GRID2: variants seen among roughly 807,000 people sequenced by gnomAD.
GRID2 encodes glutamate receptor ionotropic, delta-2.
Under a neutral mutation model 114.8 loss-of-function variants are expected in GRID2, and 33 were observed. The ratio of observed to expected loss-of-function variants is 0.29; its 90% CI spans 0.22 to 0.38. The LOEUF (loss-of-function observed/expected upper bound fraction) is 0.38. Among genes scored for constraint, GRID2 ranks in the 10% least tolerant of loss-of-function variants. The pLI is 1.00. For missense variants in GRID2, 1,184 were observed against 1,257.7 expected (o/e 0.94, Z 0.89); for synonymous variants, 505 against 449.9 (o/e 1.12, Z -1.55).
chr4:92,927,893 T>TAA (rs1298658197), intron 2 of GRID2, among the ~76,000 whole-genome samples: 1 of 151,722 alleles, frequency 6.6e-6, no homozygotes, highest in Non-Finnish European at 1.5e-5. Context: ...GCATTATACT[T>TAA]ACCAGTTGAG....
At chr4:92,628,638 G>A (rs1730642530) in intron 2 of GRID2, among the ~76,000 whole-genome samples, 1 of 152,118 alleles carries the variant, frequency 6.6e-6, no homozygotes, top group East Asian at 1.9e-4. Flanking sequence ...GATTACAGGC[G>A]TGAGCCATAG....
intron 14 of GRID2, among the ~76,000 whole-genome samples, chr4:93,714,941 C>T (rs962335532): frequency 2.0e-5 from 3 of 152,120 alleles, no homozygotes; most frequent in African/African-American, 4.8e-5. Context: ...TTAATTAGAT[C>T]CCATTTGTCA....
chr4:93,560,162 G>T (rs2149561010), intron 13 of GRID2, among the ~76,000 whole-genome samples: 1 of 136,322 alleles, frequency 7.3e-6, no homozygotes, highest in South Asian at 2.4e-4. Flanking sequence ...AACCGCCATG[G>T]CAAGTGTGTA....
At chr4:92,944,470 G>A (rs368404033) in intron 2 of GRID2, among the ~76,000 whole-genome samples, 3 of 152,234 alleles carry the variant, frequency 2.0e-5, no homozygotes, top group Admixed American at 6.5e-5. Flanking sequence ...GGTGCCGTCT[G>A]TCACCCCTTT....
intron 7 of GRID2, among the ~76,000 whole-genome samples, chr4:93,231,404 A>AAG (rs892958015): frequency 1.3e-5 from 2 of 149,774 alleles, no homozygotes; most frequent in African/African-American, 4.9e-5. Flanking sequence ...AAAAAAAAAA[A>AAG]AAGAAATTTA....
In GRID2 at chr4:93,328,169, G is replaced by A. The variant is rs115374349; in HGVS notation, c.1246-67438G>A. Among the ~76,000 whole-genome samples, 937 of 151,992 alleles carry A rather than the reference G, an allele frequency of 6.2e-3. 10 individuals are homozygous for A. The highest frequency in any genetic ancestry group is 0.022 in the African/African-American group (893 of 41,466). ...AAACATGTCCTTTAGCAAGCAATAT[G>A]CACTTTTAAAGATGTAAATGAGATA... On this transcript the variant is annotated intron_variant, in intron 8 of 15. Transcript: ENST00000282020.
chr4:93,782,892 TACACACACAC>T (rs57202855), intron 1 of GRID2, among the ~76,000 whole-genome samples: 174 of 149,958 alleles, frequency 1.2e-3, no homozygotes, highest in African/African-American at 3.8e-3. Flanking sequence ...CCATGAATCA[TACACACACAC>T]ACACACACAC....
At chr4:92,825,432 G>A (rs1342508633) in intron 2 of GRID2, among the ~76,000 whole-genome samples, 1 of 152,134 alleles carries the variant, frequency 6.6e-6, no homozygotes, top group Non-Finnish European at 1.5e-5. Flanking sequence ...CAAACATGCT[G>A]AGACATTGAT....
At chr4:92,367,718 G>A (rs1420139594) in intron 1 of GRID2, among the ~76,000 whole-genome samples, 1 of 152,030 alleles carries the variant, frequency 6.6e-6, no homozygotes, top group African/African-American at 2.4e-5. Flanking sequence ...GCAGAGAAAT[G>A]GCATGATAAG....
intron 1 of GRID2, among the ~76,000 whole-genome samples, chr4:92,329,385 G>A (rs6824860): frequency 0.19 from 28,301 of 151,792 alleles, 3,894 homozygotes; most frequent in African/African-American, 0.4. Context: ...CTTCCCCAGA[G>A]TCATGCTGAA....
At chr4:93,029,932 A>C (rs1172258048) in intron 2 of GRID2, among the ~76,000 whole-genome samples, 1 of 152,166 alleles carries the variant, frequency 6.6e-6, no homozygotes, top group Non-Finnish European at 1.5e-5. Flanking sequence ...CATGCAAATA[A>C]AACTGCATGA....
At chr4:93,180,511 A>G (rs1739792569) in intron 4 of GRID2, among the ~76,000 whole-genome samples, 1 of 152,136 alleles carries the variant, frequency 6.6e-6, no homozygotes, top group South Asian at 2.1e-4. Context: ...GAAGTTTGTC[A>G]TACCAATCAC....
At chr4:93,506,349 A>G (rs1018789900) in intron 12 of GRID2, among the ~76,000 whole-genome samples, 4 of 152,198 alleles carry the variant, frequency 2.6e-5, no homozygotes, top group South Asian at 4.1e-4. Flanking sequence ...AATCTACCAC[A>G]GGAGGACCGT....
chr4:93,113,296 T>A (rs1732939388), intron 4 of GRID2, among the ~76,000 whole-genome samples: 2 of 152,176 alleles, frequency 1.3e-5, no homozygotes, highest in South Asian at 4.1e-4. Context: ...ATCATCCTTG[T>A]TTTGTAGATA....
rs116617628 is a variant in GRID2, at chr4:92,840,661, T to C, written c.245-244334T>C. On this transcript the variant is annotated intron_variant, in intron 2 of 15. Coordinates refer to ENST00000282020, the MANE Select transcript of GRID2 (RefSeq NM_001510.4). ...GCATTTTGTATCCTAAAAGCTTTCA[T>C]TGAGCAGCTTCTTCATTGAGCATAT... Among the ~76,000 whole-genome samples, 586 of 152,168 alleles carry C rather than the reference T, an allele frequency of 3.9e-3. 3 individuals are homozygous for C. Among genetic ancestry groups the C allele is most frequent in the African/African-American group, 0.013 (558 of 41,540 alleles).
At chr4:92,924,828 G>C (rs1435646132) in intron 2 of GRID2, among the ~76,000 whole-genome samples, 2 of 152,026 alleles carry the variant, frequency 1.3e-5, no homozygotes, top group Non-Finnish European at 2.9e-5. Flanking sequence ...ATTTTTGCCT[G>C]ATTTATCACA....
intron 13 of GRID2, among the ~76,000 whole-genome samples, chr4:93,563,490 C>T (rs539018654): frequency 1.9e-4 from 29 of 151,938 alleles, no homozygotes; most frequent in Middle Eastern, 3.4e-3. Flanking sequence ...CTGAATGTAT[C>T]GTATAGATTT....
At chr4:93,242,888 G>C (rs1002831108) in intron 8 of GRID2, among the ~76,000 whole-genome samples, 1 of 151,932 alleles carries the variant, frequency 6.6e-6, no homozygotes, top group Non-Finnish European at 1.5e-5. Flanking sequence ...GTTTGTAATT[G>C]TTAAATCTCT....
intron 14 of GRID2, among the ~76,000 whole-genome samples, chr4:93,768,927 A>T (rs1733893269): frequency 6.6e-6 from 1 of 152,008 alleles, no homozygotes; most frequent in African/African-American, 2.4e-5. Context: ...AGAATTATAG[A>T]ATGAAACCAG....
Sources: allele counts gnomAD v4.1 joint callset (sites outside exome capture counted in the v4.1 genomes callset), GRCh38; gene constraint gnomAD v4.1.1; transcripts MANE v1.5; gene names NCBI Gene and HGNC (gene_info 2026-07-23, HGNC 2026-07-21).